The following BCL2L13 variants were observed in gnomAD, a reference collection of about 807,000 sequenced individuals.
The protein encoded by BCL2L13 is bcl-2-like protein 13.
BCL2L13 carries 13 observed loss-of-function variants against 25.8 expected under a neutral mutation model. The observed-to-expected ratio is 0.50, with a 90% CI of 0.33 to 0.80. The LOEUF (loss-of-function observed/expected upper bound fraction) is 0.80, where lower values mean the gene tolerates loss of function less well. Among genes scored for constraint, BCL2L13 ranks in the 30% least tolerant of loss-of-function variants. The pLI is 0.02. For missense variants in BCL2L13, 504 were observed against 574.9 expected (o/e 0.88, Z 1.26); for synonymous variants, 244 against 230.3 (o/e 1.06, Z -0.54).
chr22:17,723,719 G>A (rs964885511), intron 6 of BCL2L13, among the ~76,000 whole-genome samples: 6 of 152,290 alleles, frequency 3.9e-5, no homozygotes, highest in Admixed American at 3.3e-4. Flanking sequence ...TGGATCACGA[G>A]GTCAAGAGAT....
intron 6 of BCL2L13, among the ~76,000 whole-genome samples, chr22:17,723,214 C>G (rs886341884): frequency 2.0e-5 from 3 of 152,158 alleles, no homozygotes; most frequent in African/African-American, 2.4e-5. Context: ...AATGCATCCT[C>G]TTCTGGACCA....
chr22:17,668,773 T>G (rs2059320714), intron 2 of BCL2L13, among the ~76,000 whole-genome samples: 1 of 152,074 alleles, frequency 6.6e-6, no homozygotes, highest in Admixed American at 6.6e-5. Flanking sequence ...CCTGATCTGT[T>G]TTGAGTTAAT....
intron 2 of BCL2L13, among the ~76,000 whole-genome samples, chr22:17,672,864 G>A (rs1247528638): frequency 6.6e-6 from 1 of 152,136 alleles, no homozygotes; most frequent in Non-Finnish European, 1.5e-5. Context: ...GGTATTGATG[G>A]TGGTGTGATT....
intron 2 of BCL2L13, among the ~76,000 whole-genome samples, chr22:17,670,870 A>C (rs1413330321): frequency 6.6e-6 from 1 of 152,134 alleles, no homozygotes; most frequent in African/African-American, 2.4e-5. Context: ...GTCCTCCATC[A>C]GTCTGTCTCC....
At chr22:17,653,084 G>T (rs905030205) in intron 1 of BCL2L13, among the ~76,000 whole-genome samples, 3 of 151,964 alleles carry the variant, frequency 2.0e-5, no homozygotes, top group Non-Finnish European at 4.4e-5. Flanking sequence ...AGAAAAAACA[G>T]AGTGGTCGTA....
Position 17,685,858 on chromosome 22 carries a change from G to A in BCL2L13, c.229+2537G>A, listed in dbSNP as rs1281143666. ...GGGATCTCGACTCACTGCAAGCTCCGCCTCCCAGCTTCACGCCATTCTCCT... is the reference window on the plus strand; with the variant it reads ...GGGATCTCGACTCACTGCAAGCTCCACCTCCCAGCTTCACGCCATTCTCCT... On this transcript the variant is annotated intron_variant, in intron 3 of 6. Coordinates refer to ENST00000317582, the MANE Select transcript of BCL2L13 (RefSeq NM_015367.4). Among the ~76,000 whole-genome samples the A allele has an allele frequency of 3.2e-5, 4 of 124,300 alleles. No individual in the cohort carries two copies. The South Asian group carries it at 8.4e-4, about 26-fold the overall frequency. 81.5% of individuals were successfully genotyped at this position (124,300 alleles called of 152,430 possible).
intron 3 of BCL2L13, among the ~76,000 whole-genome samples, chr22:17,685,740 C>T (rs2059907972): frequency 2.3e-5 from 3 of 129,596 alleles, no homozygotes; most frequent in African/African-American, 8.5e-5. Flanking sequence ...ACATATATTG[C>T]CCAATAATTT....
intron 1 of BCL2L13, 45 bp from the exon 2 acceptor site, chr22:17,655,617 C>A: frequency 1.4e-6 from 2 of 1,434,252 alleles, no homozygotes; most frequent in Admixed American, 2.2e-5. Context: ...GTTAAAGTGG[C>A]ATGTAATAAA....
intron 6 of BCL2L13, among the ~76,000 whole-genome samples, chr22:17,719,744 G>A (rs375027629): frequency 2.7e-5 from 4 of 150,486 alleles, no homozygotes; most frequent in Non-Finnish European, 5.9e-5. Flanking sequence ...CAGGATAATC[G>A]CTGGAATCCG....
intron 2 of BCL2L13, among the ~76,000 whole-genome samples, chr22:17,680,215 C>CAAA (rs71201867): frequency 8.9e-5 from 6 of 67,052 alleles, no homozygotes; most frequent in African/African-American, 1.7e-4. Flanking sequence ...AACTCTCTCT[C>CAAA]AAAAAAAAAA....
intron 1 of BCL2L13, among the ~76,000 whole-genome samples, chr22:17,652,507 C>T (rs931463207): frequency 2.6e-5 from 4 of 151,726 alleles, no homozygotes; most frequent in African/African-American, 9.7e-5. Context: ...GGTGTGATCT[C>T]GGCTCATTTC....
At chr22:17,677,867 C>CAA (rs34495758) in intron 2 of BCL2L13, among the ~76,000 whole-genome samples, 28 of 139,848 alleles carry the variant, frequency 2.0e-4, no homozygotes, top group Non-Finnish European at 3.5e-4. Context: ...GACTCTGTCT[C>CAA]AAAAAAAAAA....
intron 1 of BCL2L13, among the ~76,000 whole-genome samples, chr22:17,651,462 A>G (rs1250114357): frequency 6.6e-6 from 1 of 150,956 alleles, no homozygotes; most frequent in Non-Finnish European, 1.5e-5. Flanking sequence ...GCTTACTGCA[A>G]GCTCCGCCTC....
chr22:17,647,538 G>A (rs969243579), intron 1 of BCL2L13, among the ~76,000 whole-genome samples: 2 of 151,998 alleles, frequency 1.3e-5, no homozygotes, highest in African/African-American at 2.4e-5. Context: ...GTATCCTTCC[G>A]TATTACTAGT....
intron 5 of BCL2L13, among the ~76,000 whole-genome samples, chr22:17,702,036 A>G (rs962662627): frequency 1.3e-5 from 2 of 152,198 alleles, no homozygotes; most frequent in Non-Finnish European, 2.9e-5. Context: ...ATTATTTTCA[A>G]TAACTATTTC....
At chr22:17,664,519 A>G (rs1287340985) in intron 2 of BCL2L13, among the ~76,000 whole-genome samples, 4 of 152,156 alleles carry the variant, frequency 2.6e-5, no homozygotes, top group African/African-American at 9.7e-5. Context: ...TCTGGCGAAC[A>G]GTGGCCTTCT....
At chr22:17,653,412 T>A (rs1943140322) in intron 1 of BCL2L13, among the ~76,000 whole-genome samples, 1 of 152,024 alleles carries the variant, frequency 6.6e-6, no homozygotes, top group African/African-American at 2.4e-5. Context: ...TTCTTACATC[T>A]CTTGCTGAGG....
chr22:17,709,482 C>T (rs944042388), intron 6 of BCL2L13, among the ~76,000 whole-genome samples: 2 of 152,022 alleles, frequency 1.3e-5, no homozygotes, highest in African/African-American at 2.4e-5. Context: ...GTAGTCCCAG[C>T]AACTCGGGAG....
intron 1 of BCL2L13, among the ~76,000 whole-genome samples, chr22:17,648,618 T>G (rs1010062622): frequency 2.0e-5 from 3 of 152,158 alleles, no homozygotes; most frequent in Admixed American, 6.6e-5. Context: ...ATAACAAATA[T>G]GCATTTAAAG....
Sources: gnomAD v4.1 joint callset for allele counts (sites outside exome capture counted in the v4.1 genomes callset) on GRCh38, gnomAD v4.1.1 for gene constraint, MANE v1.5 for transcripts, NCBI Gene and HGNC (gene_info 2026-07-23, HGNC 2026-07-21) for gene names.